MCM3AP: variants seen among roughly 807,000 people sequenced by gnomAD.
The protein encoded by MCM3AP is minichromosome maintenance complex component 3 associated protein, also known as germinal-center associated nuclear protein.
Under a neutral mutation model 184.1 loss-of-function variants are expected in MCM3AP, and 126 were observed. The ratio of observed to expected loss-of-function variants is 0.68; its 90% CI spans 0.59 to 0.79. The LOEUF is 0.79. Ranked by LOEUF, MCM3AP falls within the 30% of genes least tolerant of loss-of-function variation. The pLI, the probability that MCM3AP is intolerant of heterozygous loss-of-function variation, is 0.00. For missense variants in MCM3AP, 2,496 were observed against 2,479.2 expected (o/e 1.01, Z -0.14); for synonymous variants, 1,002 against 979.3 (o/e 1.02, Z -0.43).
Position 46,285,376 on chromosome 21 carries a change from CCTTCGT to C in MCM3AP, c.-96_-91del. 1 of 821,916 alleles carries C rather than the reference CCTTCGT, an allele frequency of 1.2e-6. No homozygotes were observed. Among genetic ancestry groups the C allele is most frequent in the East Asian group, 2.4e-5 (1 of 41,200 alleles). The allele number at this position is 821,916 out of a possible 1,614,324, so 50.9% of individuals were successfully genotyped here. A position where few individuals can be genotyped will look rare whatever the true frequency, so the allele number is the denominator to read the frequency against. ...ACAGCCTGTAGCACTAGGGAGTTCCCCTTCGTCTTTAGAACAAGCTGAAAGAGAAAA... is the reference window on the plus strand; with the variant it reads ...ACAGCCTGTAGCACTAGGGAGTTCCCCTTTAGAACAAGCTGAAAGAGAAAA... On this transcript the variant is annotated 5_prime_UTR_variant, in exon 1 of 28. Coordinates refer to ENST00000291688, the MANE Select transcript of MCM3AP (RefSeq NM_003906.5).
chr21:46,266,321 C>G, intron 10 of MCM3AP, 155 bp from the exon 11 acceptor site: 2 of 731,494 alleles, frequency 2.7e-6, no homozygotes, highest in Admixed American at 2.8e-5. Flanking sequence ...TGCCGCCCAC[C>G]CTGGAGCCTC....
intron 25 of MCM3AP, chr21:46,242,533 G>A (rs745583139): frequency 3.5e-5 from 9 of 254,470 alleles, no homozygotes; most frequent in Middle Eastern, 1.1e-3. Context: ...CTGTGCTTTG[G>A]AACCAAATTT....
chr21:46,235,429 A>G lies in MCM3AP; in HGVS notation c.5785-3T>C, dbSNP rs960017364. 1.2e-6 allele frequency: 2 copies of G among 1,613,756 alleles called. No individual in the cohort carries two copies. Among genetic ancestry groups the G allele is most frequent in the African/African-American group, 2.7e-5 (2 of 74,994 alleles). ...AGTTGCTCCCTCATCATGTCACTCT[A>G]TTTGAATAAAAAAGAAACTGAACAG... On this transcript the variant is annotated splice_region_variant and splice_polypyrimidine_tract_variant and intron_variant, in intron 27 of 27. Coordinates refer to ENST00000291688, the MANE Select transcript of MCM3AP (RefSeq NM_003906.5).
At chr21:46,247,481 A>ATTCAAGCAATTCTCTTGCCTCACCCTCCC (rs6147543) in intron 20 of MCM3AP, among the ~76,000 whole-genome samples, 1 of 149,614 alleles carries the variant, frequency 6.7e-6, no homozygotes, top group Non-Finnish European at 1.5e-5. Flanking sequence ...TGCCTCCTGG[A>ATTCAAGCAATTCTCTTGCCTCACCCTCCC]TAGTAGCTGG....
chr21:46,280,679 C>A, intron 2 of MCM3AP, 104 bp from the exon 3 acceptor site: 2 of 741,526 alleles, frequency 2.7e-6, no homozygotes, highest in South Asian at 3.3e-5. Flanking sequence ...TTCAAAGGCA[C>A]CAGGAGCTCC....
intron 2 of MCM3AP, among the ~76,000 whole-genome samples, chr21:46,282,988 C>T (rs753562520): frequency 2.6e-5 from 4 of 151,406 alleles, no homozygotes; most frequent in African/African-American, 7.3e-5. Flanking sequence ...TGCAGTGGCA[C>T]GAACTCGGCT....
chr21:46,279,875 CA>C (rs1349575700), intron 4 of MCM3AP, 117 bp downstream of exon 4: 4 of 980,608 alleles, frequency 4.1e-6, no homozygotes, highest in Non-Finnish European at 5.8e-6. Flanking sequence ...CCATCCCTAG[CA>C]ACTGGCTTTT....
intron 17 of MCM3AP, among the ~76,000 whole-genome samples, chr21:46,255,259 G>C (rs548858261): frequency 1.1e-4 from 17 of 152,338 alleles, no homozygotes; most frequent in African/African-American, 4.1e-4. Flanking sequence ...ACAACTTCTG[G>C]AAACAGCAGA....
chr21:46,283,559 T>G, intron 2 of MCM3AP, 56 bp downstream of exon 2: 1 of 1,293,844 alleles, frequency 7.7e-7, no homozygotes, highest in Admixed American at 2.0e-5. Flanking sequence ...AAAAACAGGT[T>G]TTAAAGTGAC....
At chr21:46,277,045 C>T (rs1206083401) in intron 5 of MCM3AP, among the ~76,000 whole-genome samples, 1 of 152,178 alleles carries the variant, frequency 6.6e-6, no homozygotes, top group African/African-American at 2.4e-5. Flanking sequence ...GCCACCATGC[C>T]CAGCCCGGCT....
At chr21:46,263,006 A>AT (rs1233385013) in intron 13 of MCM3AP, among the ~76,000 whole-genome samples, 2 of 147,308 alleles carry the variant, frequency 1.4e-5, no homozygotes, top group African/African-American at 2.5e-5. Flanking sequence ...AAAACTACAG[A>AT]CCAATATCCC....
At chr21:46,252,535 A>G (rs2080889812) in intron 19 of MCM3AP, 1 of 152,064 alleles carries the variant, frequency 6.6e-6, no homozygotes, top group Non-Finnish European at 1.5e-5. Context: ...AAATATATAC[A>G]AAACTAAGCT....
rs752360965 is a variant in MCM3AP, at chr21:46,256,772, C to G, written c.3932+17G>C. The stretch of plus-strand genomic sequence containing the variant: ...GGCAGGGGAGCCCTGACGAGGCAGG[C>G]GACAGCTGATGCTGACCTGGTGCAG... On this transcript the variant is annotated intron_variant, in intron 17 of 27. Coordinates refer to ENST00000291688, the MANE Select transcript of MCM3AP (RefSeq NM_003906.5). 1.3e-6 allele frequency: 2 copies of G among 1,541,884 alleles called. No individual in the cohort carries two copies. Among genetic ancestry groups the G allele is most frequent in the Non-Finnish European group, 1.8e-6 (2 of 1,140,620 alleles).
chr21:46,244,960 A>C lies in MCM3AP; in HGVS notation c.4885T>G (p.Cys1629Gly). The C allele has an allele frequency of 1.2e-6, 2 of 1,614,232 alleles. No individual in the cohort carries two copies. Among genetic ancestry groups the C allele is most frequent in the South Asian group, 2.2e-5 (2 of 91,082 alleles). Residue 1629 changes from cysteine (C) to glycine (G), a missense_variant, in exon 23 of 28, where the codon TGT becomes GGT. Physicochemically the swap from Cys to Gly is radical, Grantham distance 159. Around this residue, in one of 5 missense-constraint regions of MCM3AP, gnomAD observed 1,323 missense variants for 1,273.4 expected, o/e 1.04. Transcript: ENST00000291688. Reference sequence around the variant, plus strand: ...TCAGTGACAGGCCAGGACAGGTCACACAGCTGTTCAGAGGACACCACAGAA... The same window carrying C: ...TCAGTGACAGGCCAGGACAGGTCACCCAGCTGTTCAGAGGACACCACAGAA... ...LASVVSSEQL[C>G]DLSWPVTEFA...
At position 46,275,226 on chromosome 21, in the gene MCM3AP, C is replaced by T. The variant is rs183387496; in HGVS notation, c.1958G>A (p.Ser653Asn). The change falls in exon 6 of 28, where the codon AGC (serine) becomes AAC (asparagine). Residue 653 changes from serine (S) to asparagine (N), a missense_variant. This residue lies in a region of MCM3AP where 130 missense variants were observed against 199.8 expected (regional missense o/e 0.65). Coordinates refer to ENST00000291688, the MANE Select transcript of MCM3AP (RefSeq NM_003906.5). ...EKERYMRETR[S>N]QLSVFEVVPG... ...GACCACTTCGAACACGCTCAGCTGG[C>T]TACGGGTCTCCCGCATGTACCTCTC... is the stretch of plus-strand genomic sequence containing the variant. 6.2e-7 allele frequency: 1 copy of T among 1,614,054 alleles called. No individual in the cohort carries two copies. The highest frequency in any genetic ancestry group is 8.5e-7 in the Non-Finnish European group (1 of 1,179,982).
chr21:46,251,688 G>T lies in MCM3AP; in HGVS notation c.4137-6C>A. On this transcript the variant is annotated splice_polypyrimidine_tract_variant and splice_region_variant and intron_variant, in intron 19 of 27. Transcript: ENST00000291688. ...TTAACCAATTTGCTAGAATTCTACA[G>T]ATTTAAAAAAAACAAAAAACAAAAA... The T allele has an allele frequency of 6.5e-7, 1 of 1,539,294 alleles. No homozygotes were observed. The highest frequency in any genetic ancestry group is 8.8e-7 in the Non-Finnish European group (1 of 1,133,274).
rs750279396 is a variant in MCM3AP at position 46,264,165 on chromosome 21, C to A, written c.3287G>T (p.Cys1096Phe). ...ELIQEALQRD[C>F]EEVGSAGAAY... is the part of the protein sequence containing the mutation. ...AGCACCCGCAGAGCCAACTTCCTCA[C>A]AGTCCCTCTGCAGGGCCTCCTGGAT... Residue 1096 changes from cysteine (C) to phenylalanine (F), a missense_variant, in exon 13 of 28, where the codon TGT (cysteine) becomes TTT (phenylalanine). Physicochemically the swap from Cys to Phe is radical, Grantham distance 205. This residue lies in a region of MCM3AP where 1,323 missense variants were observed against 1,273.4 expected (regional missense o/e 1.04). Transcript: ENST00000291688. 3.7e-6 allele frequency: 6 copies of A among 1,613,874 alleles called. No individual in the cohort carries two copies. The African/African-American group carries it at 8.0e-5, about 22-fold the overall frequency.
In MCM3AP at chr21:46,245,012, C is replaced by T. The variant is rs752622435; in HGVS notation, c.4833G>A (p.Leu1611=). Residue 1611 remains leucine, a synonymous_variant, in exon 23 of 28, where the codon CTG becomes CTA. Coordinates refer to ENST00000291688, the MANE Select transcript of MCM3AP (RefSeq NM_003906.5). The stretch of plus-strand genomic sequence containing the variant: ...CCAGGAACTGCAGCACACTGTTAAA[C>T]AGCTCAATGATGGCGCCAGGCTCCT... The part of the protein sequence containing the change: ...ASQEPGAIIE[L]FNSVLQFLAS... 25 of 1,614,212 alleles carry T rather than the reference C, an allele frequency of 1.5e-5. No homozygotes were observed. The highest frequency in any genetic ancestry group is 2.1e-5 in the Non-Finnish European group (25 of 1,180,028).
At chr21:46,266,886 T>G in intron 10 of MCM3AP, 96 bp downstream of exon 10, 1 of 1,366,662 alleles carries the variant, frequency 7.3e-7, no homozygotes, top group Non-Finnish European at 1.0e-6. Context: ...TGCACCTTCT[T>G]CAAGTCAGGC....
Sources: gnomAD v4.1 joint callset for allele counts (sites outside exome capture counted in the v4.1 genomes callset) on GRCh38, gnomAD v4.1.1 for gene constraint, gnomAD v4.1.1 regional missense constraint, MANE v1.5 for transcripts, NCBI Gene and HGNC (gene_info 2026-07-23, HGNC 2026-07-21) for gene names.